OR9Q1: variants seen among roughly 807,000 people sequenced by gnomAD.
OR9Q1 encodes olfactory receptor 9Q1.
For missense variants in OR9Q1, 374 were observed against 378.8 expected (o/e 0.99, Z 0.11); for synonymous variants, 153 against 148.6 (o/e 1.03, Z -0.22).
intron 2 of OR9Q1, among the ~76,000 whole-genome samples, chr11:58,170,189 G>A (rs1200280411): frequency 5.9e-5 from 9 of 152,136 alleles, no homozygotes; most frequent in Admixed American, 5.9e-4. Context: ...CTAAAAATGA[G>A]ACGAGGACTT....
chr11:58,139,388 T>A (rs7113347), intron 2 of OR9Q1, among the ~76,000 whole-genome samples: 54,856 of 151,412 alleles, frequency 0.36, 11,801 homozygotes, highest in East Asian at 0.67. Context: ...ACCCATTAAC[T>A]CATTATTTAA....
chr11:58,149,002 A>C (rs1415372079), intron 2 of OR9Q1, among the ~76,000 whole-genome samples: 2 of 152,206 alleles, frequency 1.3e-5, no homozygotes, highest in African/African-American at 4.8e-5. Flanking sequence ...ATAGTTGAAA[A>C]GAACATTGTG....
chr11:58,095,405 A>G (rs887437770), intron 2 of OR9Q1, among the ~76,000 whole-genome samples: 15 of 152,262 alleles, frequency 9.9e-5, no homozygotes, highest in Non-Finnish European at 1.9e-4. Flanking sequence ...TTTTTAATAG[A>G]GAGCATCTTG....
intron 2 of OR9Q1, among the ~76,000 whole-genome samples, chr11:58,060,819 A>C (rs1017400030): frequency 5.3e-5 from 8 of 151,500 alleles, no homozygotes; most frequent in African/African-American, 1.9e-4. Flanking sequence ...ATAGAGGAGG[A>C]TAAGAACAAA....
At chr11:58,158,243 A>C (rs752674167) in intron 2 of OR9Q1, among the ~76,000 whole-genome samples, 1 of 152,142 alleles carries the variant, frequency 6.6e-6, no homozygotes, top group Non-Finnish European at 1.5e-5. Context: ...ACAAACATAC[A>C]TAAGTAGTCA....
intron 2 of OR9Q1, among the ~76,000 whole-genome samples, chr11:58,127,265 T>C (rs2119832090): frequency 6.6e-6 from 1 of 152,254 alleles, no homozygotes; most frequent in African/African-American, 2.4e-5. Context: ...CCAGAACTTC[T>C]GTTTGGACTT....
At chr11:58,070,724 G>T (rs1293027796) in intron 2 of OR9Q1, among the ~76,000 whole-genome samples, 3 of 152,206 alleles carry the variant, frequency 2.0e-5, no homozygotes, top group Non-Finnish European at 4.4e-5. Context: ...CATGGCCACA[G>T]TGTCTTCACT....
chr11:58,053,613 A>ATATATATATATAAAG lies in OR9Q1; in HGVS notation c.-92-2245_-92-2244insAAGTATATATATATA, dbSNP rs1565062052. 4.8e-5 allele frequency among the ~76,000 whole-genome samples: 3 copies of ATATATATATATAAAG among 61,940 alleles called. 1 individual carries two copies. The highest frequency in any genetic ancestry group is 9.5e-5 in the Non-Finnish European group (3 of 31,424). The allele number at this position is 61,940 out of a possible 152,430, so 40.6% of individuals were successfully genotyped here. ...TAAAGTATAATAATAAAATTAAAAA[A>ATATATATATATAAAG]TATATATATATATAAAATATATATA... On this transcript the variant is annotated intron_variant, in intron 1 of 2. Coordinates refer to ENST00000335397, the MANE Select transcript of OR9Q1 (RefSeq NM_001005212.4).
intron 2 of OR9Q1, among the ~76,000 whole-genome samples, chr11:58,095,706 C>A (rs1216615406): frequency 6.6e-6 from 1 of 152,154 alleles, no homozygotes; most frequent in Non-Finnish European, 1.5e-5. Flanking sequence ...ATTCAATGAT[C>A]TCCACCTTGT....
At chr11:58,066,050 G>A (rs984044216) in intron 2 of OR9Q1, among the ~76,000 whole-genome samples, 1 of 152,164 alleles carries the variant, frequency 6.6e-6, no homozygotes, top group Non-Finnish European at 1.5e-5. Flanking sequence ...GGGTATGACA[G>A]GTCTGGAGTC....
At chr11:58,177,442 T>G (rs574201588) in intron 2 of OR9Q1, among the ~76,000 whole-genome samples, 1 of 152,360 alleles carries the variant, frequency 6.6e-6, no homozygotes, top group East Asian at 1.9e-4. Context: ...ATAAGAAAAG[T>G]TCCTACCTCA....
chr11:58,046,264 G>A (rs1853215406), intron 1 of OR9Q1, among the ~76,000 whole-genome samples: 2 of 146,086 alleles, frequency 1.4e-5, no homozygotes, highest in Middle Eastern at 3.5e-3. Flanking sequence ...TTGTTCATAA[G>A]CAACTTTGTT....
intron 2 of OR9Q1, among the ~76,000 whole-genome samples, chr11:58,110,915 A>T (rs1303870082): frequency 1.3e-5 from 2 of 151,870 alleles, no homozygotes; most frequent in African/African-American, 4.8e-5. Flanking sequence ...CAATTGCAAG[A>T]CTCACTGGGA....
intron 2 of OR9Q1, among the ~76,000 whole-genome samples, chr11:58,169,209 GT>G (rs1202810119): frequency 6.6e-6 from 1 of 152,186 alleles, no homozygotes; most frequent in Non-Finnish European, 1.5e-5. Flanking sequence ...TTGCTTTGTT[GT>G]TTTTTCCCCC....
chr11:58,142,946 C>T (rs1350538213), intron 2 of OR9Q1, among the ~76,000 whole-genome samples: 1 of 152,128 alleles, frequency 6.6e-6, no homozygotes, highest in Non-Finnish European at 1.5e-5. Flanking sequence ...TGTTGCTTGG[C>T]AGGAACAGAG....
intron 1 of OR9Q1, among the ~76,000 whole-genome samples, chr11:58,037,760 C>T (rs1179607005): frequency 8.8e-6 from 1 of 113,592 alleles, no homozygotes; most frequent in Non-Finnish European, 1.7e-5. Flanking sequence ...ACTCAGTCGC[C>T]CAGGCTGGGA....
At chr11:58,045,245 T>G (rs1463175350) in intron 1 of OR9Q1, 1 of 152,198 alleles carries the variant, frequency 6.6e-6, no homozygotes, top group African/African-American at 2.4e-5. Flanking sequence ...GTTTGTTTGT[T>G]TTTTTGAGAC....
chr11:58,164,583 T>C (rs956090802), intron 2 of OR9Q1, among the ~76,000 whole-genome samples: 4 of 152,146 alleles, frequency 2.6e-5, no homozygotes, highest in African/African-American at 9.7e-5. Context: ...TCCACACCCA[T>C]CCCAATGCTG....
intron 2 of OR9Q1, among the ~76,000 whole-genome samples, chr11:58,103,341 T>C (rs1853808460): frequency 6.6e-6 from 1 of 152,116 alleles, no homozygotes; most frequent in African/African-American, 2.4e-5. Context: ...ACTGGGTCCC[T>C]CCCACAACAT....
Sources: gnomAD v4.1 joint callset for allele counts (sites outside exome capture counted in the v4.1 genomes callset) on GRCh38, gnomAD v4.1.1 for gene constraint, MANE v1.5 for transcripts, NCBI Gene and HGNC (gene_info 2026-07-23, HGNC 2026-07-21) for gene names.